DLGAP1: variants seen among roughly 807,000 people sequenced by gnomAD.
The protein encoded by DLGAP1 is DLG associated protein 1.
Under a neutral mutation model 90.8 loss-of-function variants are expected in DLGAP1, and 11 were observed. The ratio of observed to expected loss-of-function variants is 0.12; its 90% CI spans 0.08 to 0.20. The LOEUF is 0.20. DLGAP1 is among the 10% of genes least tolerant of loss of function. The pLI, the probability that DLGAP1 is intolerant of heterozygous loss-of-function variation, is 1.00. For synonymous variants in DLGAP1, 558 were observed against 540.7 expected, an observed-to-expected ratio of 1.03 and a Z score of -0.44; for missense variants, 1,050 against 1,333.8, an observed-to-expected ratio of 0.79 and a Z score of 3.31.
intron 10 of DLGAP1, among the ~76,000 whole-genome samples, chr18:3,524,343 A>G (rs1308970156): frequency 6.6e-6 from 1 of 152,152 alleles, no homozygotes; most frequent in African/African-American, 2.4e-5. Context: ...AATATTATTC[A>G]GCCCTAAAAA....
intron 7 of DLGAP1, among the ~76,000 whole-genome samples, chr18:3,612,576 C>T (rs1201354942): frequency 2.0e-5 from 3 of 152,104 alleles, no homozygotes; most frequent in South Asian, 2.1e-4. Flanking sequence ...TAGTGCCAGG[C>T]GGGTGGTGTA....
chr18:3,855,504 T>C (rs1459056383), intron 4 of DLGAP1, among the ~76,000 whole-genome samples: 1 of 152,174 alleles, frequency 6.6e-6, no homozygotes, highest in Non-Finnish European at 1.5e-5. Flanking sequence ...TGGCAAATAA[T>C]GGTTTGCATT....
intron 7 of DLGAP1, among the ~76,000 whole-genome samples, chr18:3,638,995 C>G (rs1209705281): frequency 6.6e-6 from 1 of 152,308 alleles, no homozygotes; most frequent in East Asian, 1.9e-4. Context: ...TCCACAAGAA[C>G]TCCAAAACTA....
chr18:4,450,615 A>C (rs2083799186), intron 1 of DLGAP1, among the ~76,000 whole-genome samples: 1 of 152,206 alleles, frequency 6.6e-6, no homozygotes, highest in South Asian at 2.1e-4. Context: ...GGCTTCAGTA[A>C]GACCACAACT....
At chr18:3,765,320 T>C (rs562007926) in intron 5 of DLGAP1, among the ~76,000 whole-genome samples, 163 of 149,978 alleles carry the variant, frequency 1.1e-3, no homozygotes, top group Middle Eastern at 0.01. Flanking sequence ...TTAGTAGAGA[T>C]GGGGTTTCAC....
At chr18:3,568,188 C>T (rs1858985875) in intron 8 of DLGAP1, among the ~76,000 whole-genome samples, 2 of 152,086 alleles carry the variant, frequency 1.3e-5, no homozygotes, top group African/African-American at 4.8e-5. Flanking sequence ...CGTGAGCCAC[C>T]ACGCCCGGCC....
intron 1 of DLGAP1, among the ~76,000 whole-genome samples, chr18:4,244,763 A>G (rs2078619147): frequency 6.6e-6 from 1 of 152,220 alleles, no homozygotes; most frequent in Non-Finnish European, 1.5e-5. Flanking sequence ...TAATGGATAT[A>G]GGATGGAATT....
intron 1 of DLGAP1, among the ~76,000 whole-genome samples, chr18:4,408,735 T>C (rs1234764402): frequency 1.5e-5 from 2 of 135,090 alleles, no homozygotes; most frequent in African/African-American, 7.9e-5. Context: ...AAAATTAAAG[T>C]AATAACATAT....
At position 4,103,101 on chromosome 18, in the gene DLGAP1, T is replaced by G. The variant is rs1035766981; in HGVS notation, c.-159+48079A>C. ...ATGTTTTGATACTTGGCGGAGAAAG[T>G]GTTTCCATATTCTGTAGTTTTTTTC... is the stretch of plus-strand genomic sequence containing the variant. On this transcript the variant is annotated intron_variant, in intron 2 of 12. Transcript: ENST00000315677. Among the ~76,000 whole-genome samples, 3 of 152,364 alleles carry G rather than the reference T, an allele frequency of 2.0e-5. No homozygotes were observed. In the East Asian group the frequency reaches 5.8e-4, roughly 29 times the overall value.
intron 2 of DLGAP1, among the ~76,000 whole-genome samples, chr18:4,117,937 C>T (rs1030749158): frequency 6.6e-6 from 1 of 151,986 alleles, no homozygotes; most frequent in Non-Finnish European, 1.5e-5. Flanking sequence ...TTCAAATCTG[C>T]CCACATCTAG....
intron 1 of DLGAP1, among the ~76,000 whole-genome samples, chr18:4,181,116 T>G (rs548514481): frequency 1.4e-4 from 22 of 152,322 alleles, no homozygotes; most frequent in South Asian, 8.3e-4. Flanking sequence ...CTAGGATTTT[T>G]CACATCTCTT....
At chr18:3,720,483 T>C (rs944086803) in intron 7 of DLGAP1, among the ~76,000 whole-genome samples, 61 of 152,280 alleles carry the variant, frequency 4.0e-4, no homozygotes, top group Middle Eastern at 3.4e-3. Flanking sequence ...CAAGGACACT[T>C]GGCAGCAGGA....
intron 1 of DLGAP1, among the ~76,000 whole-genome samples, chr18:4,391,232 G>T (rs2032159): frequency 0.29 from 44,787 of 151,942 alleles, 6,876 homozygotes; most frequent in Admixed American, 0.37. Context: ...GGAGGCCTCT[G>T]CAACTAGGGA....
rs573519603 is a variant in DLGAP1 at position 3,664,510 on chromosome 18, C to T, written c.1591+64625G>A. 2.4e-4 allele frequency among the ~76,000 whole-genome samples: 37 copies of T among 152,252 alleles called. 1 individual carries two copies. The South Asian group carries it at 7.5e-3, about 31-fold the overall frequency. On this transcript the variant is annotated intron_variant, in intron 7 of 12. Transcript: ENST00000315677. Reference sequence around the variant, plus strand: ...CAGCCACATCACCCTTTCAGTTCTACTAATATTGAATGCAGAATTAGCACG... The same window carrying T: ...CAGCCACATCACCCTTTCAGTTCTATTAATATTGAATGCAGAATTAGCACG...
chr18:3,965,940 CAA>C (rs544643910), intron 3 of DLGAP1, among the ~76,000 whole-genome samples: 6,088 of 100,414 alleles, frequency 0.061, 159 homozygotes, highest in South Asian at 0.11. Flanking sequence ...GACTCCATGT[CAA>C]AAAAAAAAAA....
intron 7 of DLGAP1, among the ~76,000 whole-genome samples, chr18:3,687,642 G>C (rs1477238129): frequency 6.6e-6 from 1 of 152,068 alleles, no homozygotes; most frequent in Non-Finnish European, 1.5e-5. Context: ...CAATGGAAAA[G>C]TACTTTCAGA....
intron 9 of DLGAP1, among the ~76,000 whole-genome samples, chr18:3,563,608 T>C (rs377353314): frequency 6.6e-6 from 1 of 152,162 alleles, no homozygotes; most frequent in African/African-American, 2.4e-5. Flanking sequence ...TAGCTGGGAT[T>C]ACAGGCATGC....
intron 3 of DLGAP1, among the ~76,000 whole-genome samples, chr18:3,892,491 C>A (rs556981973): frequency 6.6e-6 from 1 of 152,270 alleles, no homozygotes; most frequent in Admixed American, 6.5e-5. Context: ...CTTATCCCTT[C>A]TTGAAGAGTA....
chr18:3,965,318 T>A (rs7243307), intron 3 of DLGAP1, among the ~76,000 whole-genome samples: 10,225 of 152,172 alleles, frequency 0.067, 474 homozygotes, highest in African/African-American at 0.13. Context: ...TTGCAAAAAA[T>A]AAGTAGCCAG....
Sources: gnomAD v4.1 joint callset for allele counts (sites outside exome capture counted in the v4.1 genomes callset) on GRCh38, gnomAD v4.1.1 for gene constraint, MANE v1.5 for transcripts, NCBI Gene and HGNC (gene_info 2026-07-23, HGNC 2026-07-21) for gene names.